Variants in PCSK1 observed in about 807,000 individuals in gnomAD.
The protein encoded by PCSK1 is proprotein convertase subtilisin/kexin type 1.
PCSK1 carries 56 observed loss-of-function variants against 90.6 expected under a neutral mutation model. That is an observed-to-expected ratio of 0.62 (90% confidence interval 0.50 to 0.77). The LOEUF (loss-of-function observed/expected upper bound fraction) is 0.77, where lower values mean the gene tolerates loss of function less well. PCSK1 is among the 30% of genes least tolerant of loss of function. The probability of loss-of-function intolerance (pLI) is 0.00; values close to 1 mark genes in which losing one functional copy is unlikely to be tolerated. For missense variants in PCSK1, 801 were observed against 932.6 expected (o/e 0.86, Z 1.84); for synonymous variants, 348 against 342.4 (o/e 1.02, Z -0.18).
At chr5:96,424,786 A>G (rs1761229614) in intron 3 of PCSK1, among the ~76,000 whole-genome samples, 1 of 151,972 alleles carries the variant, frequency 6.6e-6, no homozygotes, top group Admixed American at 6.6e-5. Flanking sequence ...AATGTGACAA[A>G]ACCCCATCTC....
At chr5:96,419,974 C>G (rs1396670889) in intron 5 of PCSK1, among the ~76,000 whole-genome samples, 1 of 151,962 alleles carries the variant, frequency 6.6e-6, no homozygotes, top group East Asian at 1.9e-4. Flanking sequence ...GGGGCCAGAC[C>G]CAGGATCTGC....
chr5:96,423,478 G>A lies in PCSK1; in HGVS notation c.397-19C>T, dbSNP rs370939311. The A allele has an allele frequency of 2.1e-5, 34 of 1,612,590 alleles. No individual in the cohort carries two copies. Among genetic ancestry groups the A allele is most frequent in the African/African-American group, 1.6e-4 (12 of 74,890 alleles). On this transcript the variant is annotated intron_variant, in intron 3 of 13. Coordinates refer to ENST00000311106, the MANE Select transcript of PCSK1 (RefSeq NM_000439.5). ...TATCTTGCTGGTAAAGAAAAACAAC[G>A]AAGCATTGATAAAATTATCATTTGC...
rs1163493723 is a variant in PCSK1 at position 96,397,398 on chromosome 5, T to C, written c.1660A>G (p.Met554Val). 6.2e-7 allele frequency: 1 copy of C among 1,611,440 alleles called. No individual in the cohort carries two copies. The highest frequency in any genetic ancestry group is 8.5e-7 in the Non-Finnish European group (1 of 1,177,546). Residue 554 changes from methionine (M) to valine (V), a missense_variant, in exon 12 of 14, where the codon ATG becomes GTG. Coordinates refer to ENST00000311106, the MANE Select transcript of PCSK1 (RefSeq NM_000439.5). ...TTCTCTCCCCATGTGTGAACAGACATGAAGTCCCAATTCTTAAAGCCATTA... is the reference window on the plus strand; with the variant it reads ...TTCTCTCCCCATGTGTGAACAGACACGAAGTCCCAATTCTTAAAGCCATTA... ...SPNGFKNWDF[M>V]SVHTWGENPI...
At chr5:96,419,036 A>G (rs185150032) in intron 5 of PCSK1, among the ~76,000 whole-genome samples, 132 of 152,146 alleles carry the variant, frequency 8.7e-4, no homozygotes, top group African/African-American at 2.9e-3. Context: ...TCCAAGCCAT[A>G]TATATGTGTA....
At chr5:96,422,888 G>T (rs1761171532) in intron 4 of PCSK1, among the ~76,000 whole-genome samples, 1 of 148,760 alleles carries the variant, frequency 6.7e-6, no homozygotes, top group Admixed American at 6.6e-5. Context: ...CTTTGGATTT[G>T]CATGGAAGGA....
In PCSK1 at chr5:96,400,152, C is replaced by G; in HGVS notation, c.1231G>C (p.Val411Leu). 1 of 1,614,106 alleles carries G rather than the reference C, an allele frequency of 6.2e-7. No homozygotes were observed. The highest frequency in any genetic ancestry group is 1.3e-5 in the African/African-American group (1 of 75,044). Residue 411 changes from valine to leucine, a missense_variant, in exon 10 of 14, where the codon GTT becomes CTT. Val to Leu is a conservative substitution (Grantham distance 32, BLOSUM62 1). Transcript: ENST00000311106. Reference protein sequence around the residue: ...NLTWRDMQHLVVWTSEYDPLA... With the variant: ...NLTWRDMQHLLVWTSEYDPLA... ...GGGTCATACTCAGAGGTCCAGACAA[C>G]CAGGTGCTGCATATCTCGCCAGGTG...
chr5:96,406,342 G>A (rs1760562415), intron 9 of PCSK1, among the ~76,000 whole-genome samples: 2 of 152,154 alleles, frequency 1.3e-5, no homozygotes, highest in African/African-American at 4.8e-5. Context: ...GTCTCAGCTT[G>A]TGTTCATAGA....
At position 96,394,936 on chromosome 5, in the gene PCSK1, A is replaced by G; in HGVS notation, c.1812T>C (p.Pro604=). 6.2e-7 allele frequency: 1 copy of G among 1,614,120 alleles called. No individual in the cohort carries two copies. ...CAGTGTTGTAGGACGTGTACACACG[A>G]GGCTGCTTCATATGCTCTGGCTGAG... is the stretch of plus-strand genomic sequence containing the variant. The part of the protein sequence containing the change: ...TSSQPEHMKQ[P]RVYTSYNTVQ... The change falls in exon 13 of 14, where the codon CCT becomes CCC. Residue 604 remains proline, a synonymous_variant. Transcript: ENST00000311106.
intron 6 of PCSK1, 79 bp downstream of exon 6, chr5:96,415,954 G>A (rs1760925459): frequency 3.3e-6 from 3 of 895,796 alleles, no homozygotes; most frequent in Non-Finnish European, 5.7e-6. Context: ...AAAAAGAAAA[G>A]CTCCCCTCCC....
At chr5:96,431,738 A>G (rs558032303) in intron 1 of PCSK1, among the ~76,000 whole-genome samples, 1 of 152,242 alleles carries the variant, frequency 6.6e-6, no homozygotes, top group South Asian at 2.1e-4. Flanking sequence ...GGTTCGGTCT[A>G]CAGAATCGCC....
intron 6 of PCSK1, among the ~76,000 whole-genome samples, chr5:96,415,474 TC>T (rs1487799220): frequency 2.0e-5 from 3 of 152,200 alleles, no homozygotes; most frequent in Admixed American, 6.5e-5. Flanking sequence ...TTCTTGTAAA[TC>T]GTTTCTTTAT....
chr5:96,402,914 A>G (rs1760431291), intron 9 of PCSK1, among the ~76,000 whole-genome samples: 1 of 152,126 alleles, frequency 6.6e-6, no homozygotes, highest in Admixed American at 6.5e-5. Flanking sequence ...TTGTAAATAG[A>G]ATAGGACATT....
intron 7 of PCSK1, 88 bp from the exon 8 acceptor site, chr5:96,411,074 G>C: frequency 1.0e-6 from 1 of 956,484 alleles, no homozygotes; most frequent in Admixed American, 1.7e-5. Flanking sequence ...GACTACATGT[G>C]TGAAATTCTC....
rs3792746 is a variant in PCSK1, at chr5:96,431,999, C to T, written c.180+864G>A. 0.063 allele frequency: 59,353 copies of T among 939,460 alleles called. 2,110 individuals are homozygous for T. The highest frequency in any genetic ancestry group is 0.12 in the Middle Eastern group (561 of 4,874). 58.2% of individuals were successfully genotyped at this position (939,460 alleles called of 1,614,324 possible). On this transcript the variant is annotated intron_variant, in intron 1 of 13. Transcript: ENST00000311106. ...CCCACTTAATGTCTTGACGCCCACC[C>T]ACCTCCAACCAGCTACCTATCGACC...
At chr5:96,431,950 G>A in intron 1 of PCSK1, 1 of 710,230 alleles carries the variant, frequency 1.4e-6, no homozygotes, top group Admixed American at 2.0e-5. Flanking sequence ...GGTCCCCTCG[G>A]AATCGCTCAG....
intron 5 of PCSK1, among the ~76,000 whole-genome samples, chr5:96,417,710 A>G (rs1760979997): frequency 6.6e-6 from 1 of 152,208 alleles, no homozygotes; most frequent in African/African-American, 2.4e-5. Context: ...GAATATTTTT[A>G]AAATCCCTTT....
At chr5:96,425,990 T>C in intron 2 of PCSK1, 60 bp from the exon 3 acceptor site, 2 of 906,544 alleles carry the variant, frequency 2.2e-6, no homozygotes, top group Non-Finnish European at 3.6e-6. Flanking sequence ...GTATACTTCC[T>C]CTAACTATCT....
Position 96,393,297 on chromosome 5 carries a change from C to T in PCSK1, c.1966G>A (p.Asp656Asn). ...PSSSSVGGRR[D>N]ELEEGAPSQA... Reference sequence around the variant, plus strand: ...GAAGGGGCTCCCTCCTCCAACTCATCCCTCCGGCCCCCTACGCTGCTGCTG... The same window carrying T: ...GAAGGGGCTCCCTCCTCCAACTCATTCCTCCGGCCCCCTACGCTGCTGCTG... The change falls in exon 14 of 14, where the codon GAT (aspartate) becomes AAT (asparagine). Residue 656 changes from aspartate (D) to asparagine (N), a missense_variant. Coordinates refer to ENST00000311106, the MANE Select transcript of PCSK1 (RefSeq NM_000439.5). The T allele has an allele frequency of 6.2e-7, 1 of 1,614,062 alleles. No homozygotes were observed. The highest frequency in any genetic ancestry group is 1.1e-5 in the South Asian group (1 of 91,076).
At position 96,416,067 on chromosome 5, in the gene PCSK1, G is replaced by A. The variant is rs150991567; in HGVS notation, c.675C>T (p.Cys225=). The A allele has an allele frequency of 1.2e-5, 19 of 1,612,446 alleles. No individual in the cohort carries two copies. The highest frequency in any genetic ancestry group is 6.7e-5 in the African/African-American group (5 of 74,878). ...EIAMQANNHK[C]GVGVAYNSKV... ...TGGAATTGTATGCAACTCCAACCCC[G>A]CATTTGTGATTATTTGCTTGCATGG... Residue 225 remains cysteine, a synonymous_variant, in exon 6 of 14, where the codon TGC becomes TGT. Coordinates refer to ENST00000311106, the MANE Select transcript of PCSK1 (RefSeq NM_000439.5).
Sources: allele counts gnomAD v4.1 joint callset (sites outside exome capture counted in the v4.1 genomes callset), GRCh38; gene constraint gnomAD v4.1.1; transcripts MANE v1.5; gene names NCBI Gene and HGNC (gene_info 2026-07-23, HGNC 2026-07-21).